The following MAMDC2 variants were observed in gnomAD, a reference collection of about 807,000 sequenced individuals.
MAMDC2 encodes the protein MAM domain containing 2, also known as MAM domain-containing protein 2.
In MAMDC2, 57 loss-of-function variants were observed where a neutral mutation model predicts 89.8. The observed-to-expected ratio is 0.63, with a 90% CI of 0.51 to 0.79. The LOEUF (loss-of-function observed/expected upper bound fraction) is 0.79, where lower values mean the gene tolerates loss of function less well. MAMDC2 is among the 30% of genes least tolerant of loss of function. The probability of loss-of-function intolerance (pLI) is 0.00; values close to 1 mark genes in which losing one functional copy is unlikely to be tolerated. For missense variants in MAMDC2, 800 were observed against 820.6 expected (o/e 0.97, Z 0.31); for synonymous variants, 313 against 293.4 (o/e 1.07, Z -0.68).
chr9:70,192,081 AC>A (rs1194990537), intron 11 of MAMDC2, among the ~76,000 whole-genome samples: 5 of 152,120 alleles, frequency 3.3e-5, no homozygotes, highest in African/African-American at 1.2e-4. Flanking sequence ...CTAAACTGAA[AC>A]AGGCAAGTCC....
intron 11 of MAMDC2, among the ~76,000 whole-genome samples, chr9:70,186,787 G>A (rs562717253): frequency 1.2e-4 from 18 of 152,310 alleles, no homozygotes; most frequent in Admixed American, 5.9e-4. Flanking sequence ...TACTTGTAGC[G>A]GAAGGCAAAC....
At chr9:70,178,358 A>T in intron 11 of MAMDC2, among the ~76,000 whole-genome samples, 1 of 150,814 alleles carries the variant, frequency 6.6e-6, no homozygotes, top group Admixed American at 6.6e-5. Context: ...AACCAAACTC[A>T]TCCTTTAACA....
At chr9:70,199,486 T>C (rs1402158431) in intron 11 of MAMDC2, among the ~76,000 whole-genome samples, 1 of 150,202 alleles carries the variant, frequency 6.7e-6, no homozygotes, top group Non-Finnish European at 1.5e-5. Context: ...GCCTCTGCTA[T>C]TGTGAATAAT....
At chr9:70,184,741 T>C (rs916699487) in intron 11 of MAMDC2, among the ~76,000 whole-genome samples, 8 of 152,098 alleles carry the variant, frequency 5.3e-5, no homozygotes, top group African/African-American at 1.9e-4. Context: ...AGGTCATTTA[T>C]GTTCTTCTTT....
intron 9 of MAMDC2, among the ~76,000 whole-genome samples, chr9:70,145,566 G>A (rs534249215): frequency 9.9e-5 from 10 of 100,534 alleles, no homozygotes; most frequent in South Asian, 9.0e-4. Flanking sequence ...ACACATGCAC[G>A]CATGTACACA....
intron 2 of MAMDC2, among the ~76,000 whole-genome samples, chr9:70,071,238 G>A (rs1176399291): frequency 6.6e-6 from 1 of 152,186 alleles, no homozygotes; most frequent in Non-Finnish European, 1.5e-5. Context: ...GAAAACTCGA[G>A]AGTAGTACTT....
chr9:70,135,716 T>A (rs2030978339), intron 7 of MAMDC2, among the ~76,000 whole-genome samples: 1 of 152,180 alleles, frequency 6.6e-6, no homozygotes, highest in Admixed American at 6.5e-5. Context: ...CCCTGTGCCT[T>A]CATATACATC....
intron 11 of MAMDC2, among the ~76,000 whole-genome samples, chr9:70,184,728 A>G (rs2032714003): frequency 6.6e-6 from 1 of 151,920 alleles, no homozygotes; most frequent in African/African-American, 2.4e-5. Context: ...TTTCAGCTCC[A>G]TCAGGTCATT....
intron 4 of MAMDC2, among the ~76,000 whole-genome samples, chr9:70,111,098 C>A (rs1336066248): frequency 6.6e-6 from 1 of 152,178 alleles, no homozygotes; most frequent in African/African-American, 2.4e-5. Flanking sequence ...CCTTGAGCCT[C>A]CCGCTGGGCT....
chr9:70,072,831 T>C (rs894916155), intron 2 of MAMDC2, among the ~76,000 whole-genome samples: 3 of 151,992 alleles, frequency 2.0e-5, no homozygotes, highest in Non-Finnish European at 4.4e-5. Context: ...TGAAAACACA[T>C]TTTCATTCTA....
intron 2 of MAMDC2, among the ~76,000 whole-genome samples, chr9:70,106,487 T>A (rs1828344916): frequency 6.6e-6 from 1 of 152,158 alleles, no homozygotes; most frequent in East Asian, 1.9e-4. Flanking sequence ...TGCTAATACA[T>A]TCCTCATGCC....
chr9:70,046,057 G>A (rs77489249), intron 2 of MAMDC2, among the ~76,000 whole-genome samples: 3 of 152,196 alleles, frequency 2.0e-5, no homozygotes, highest in Admixed American at 6.5e-5. Flanking sequence ...AGCATTGCGG[G>A]AGATGGCCTT....
At chr9:70,061,889 A>C (rs143631062) in intron 2 of MAMDC2, among the ~76,000 whole-genome samples, 14 of 152,314 alleles carry the variant, frequency 9.2e-5, no homozygotes, top group Non-Finnish European at 1.5e-4. Context: ...TTCAGAACTC[A>C]TGGATGAATC....
chr9:70,156,193 A>G (rs2031759839), intron 9 of MAMDC2, among the ~76,000 whole-genome samples: 2 of 151,670 alleles, frequency 1.3e-5, no homozygotes, highest in African/African-American at 2.4e-5. Context: ...CCCTTTTAGG[A>G]AAAAAAAAGT....
chr9:70,061,271 A>ATGGTGTCTGCCTG (rs1238045168), intron 2 of MAMDC2, among the ~76,000 whole-genome samples: 2 of 152,198 alleles, frequency 1.3e-5, no homozygotes, highest in Non-Finnish European at 2.9e-5. Context: ...TCTAGTTCAC[A>ATGGTGTCTGCCTG]AATGAGGAAG....
intron 2 of MAMDC2, among the ~76,000 whole-genome samples, chr9:70,061,242 T>G (rs1405840863): frequency 6.6e-6 from 1 of 152,162 alleles, no homozygotes; most frequent in African/African-American, 2.4e-5. Flanking sequence ...AACCACCCTC[T>G]GAGGTGAGTG....
At chr9:70,045,095 G>A (rs2117948964) in intron 2 of MAMDC2, among the ~76,000 whole-genome samples, 1 of 152,356 alleles carries the variant, frequency 6.6e-6, no homozygotes, top group Non-Finnish European at 1.5e-5. Flanking sequence ...AGTTGCATGG[G>A]ACTAGTTCTC....
At chr9:70,202,605 A>G (rs1292823367) in intron 11 of MAMDC2, among the ~76,000 whole-genome samples, 1 of 145,748 alleles carries the variant, frequency 6.9e-6, no homozygotes, top group African/African-American at 2.6e-5. Context: ...ATTCCTGGGT[A>G]TCCTTGTTGA....
chr9:70,121,145 C>G (rs7853094), intron 5 of MAMDC2, among the ~76,000 whole-genome samples: 23,925 of 152,152 alleles, frequency 0.16, 1,884 homozygotes, highest in Admixed American at 0.17. Context: ...TGCTGGTGAG[C>G]CAGACTGCTT....
Sources: gnomAD v4.1 joint callset for allele counts (sites outside exome capture counted in the v4.1 genomes callset) on GRCh38, gnomAD v4.1.1 for gene constraint, MANE v1.5 for transcripts, NCBI Gene and HGNC (gene_info 2026-07-23, HGNC 2026-07-21) for gene names.